Variants in KCND2 observed in about 807,000 individuals in gnomAD.
KCND2 encodes A-type voltage-gated potassium channel KCND2.
Under a neutral mutation model 54.4 loss-of-function variants are expected in KCND2, and 16 were observed. The observed-to-expected ratio is 0.29, with a 90% confidence interval of 0.20 to 0.45. KCND2 has a LOEUF of 0.45. Ranked by LOEUF, KCND2 falls within the 20% of genes least tolerant of loss-of-function variation. The pLI, the probability that KCND2 is intolerant of heterozygous loss-of-function variation, is 1.00. For synonymous variants in KCND2, 317 were observed against 310.7 expected, an observed-to-expected ratio of 1.02 and a Z score of -0.21; for missense variants, 486 against 824.2, an observed-to-expected ratio of 0.59 and a Z score of 5.02.
At chr7:120,683,011 A>C (rs185402293) in intron 1 of KCND2, among the ~76,000 whole-genome samples, 1 of 152,152 alleles carries the variant, frequency 6.6e-6, no homozygotes, top group Non-Finnish European at 1.5e-5. Flanking sequence ...AGACTCCCCA[A>C]CTATGCTGTT....
intron 1 of KCND2, among the ~76,000 whole-genome samples, chr7:120,425,206 A>G (rs1801689577): frequency 6.6e-6 from 1 of 152,226 alleles, no homozygotes; most frequent in Admixed American, 6.5e-5. Flanking sequence ...AAAATGCAGT[A>G]ATATGGCTCA....
intron 1 of KCND2, among the ~76,000 whole-genome samples, chr7:120,543,544 A>T (rs1039471188): frequency 6.6e-6 from 1 of 152,078 alleles, no homozygotes; most frequent in Admixed American, 6.6e-5. Flanking sequence ...TACTTAAAAT[A>T]CTATTTTAAT....
rs1374267694 is a variant in KCND2, at chr7:120,275,385, G to A, written c.753G>A (p.Ala251=). 3 of 1,613,608 alleles carry A rather than the reference G, an allele frequency of 1.9e-6. No homozygotes were observed. Among genetic ancestry groups the A allele is most frequent in the African/African-American group, 1.3e-5 (1 of 74,762 alleles). Residue 251 remains alanine (A), a synonymous_variant, in exon 1 of 6, where the codon GCG becomes GCA. Transcript: ENST00000331113. ...AGTATTTGCTTCGCCTGGCTGCAGCGCCTAGTCGTTACCGTTTTGTGCGTA... is the reference window on the plus strand; with the variant it reads ...AGTATTTGCTTCGCCTGGCTGCAGCACCTAGTCGTTACCGTTTTGTGCGTA... ...TVEYLLRLAA[A]PSRYRFVRSV... is the part of the protein sequence containing the mutation.
intron 1 of KCND2, among the ~76,000 whole-genome samples, chr7:120,553,572 G>A (rs1792127036): frequency 6.6e-6 from 1 of 152,102 alleles, no homozygotes; most frequent in Non-Finnish European, 1.5e-5. Flanking sequence ...AATACCTTCT[G>A]TATACTGTGT....
chr7:120,605,651 T>A (rs1190815440), intron 1 of KCND2, among the ~76,000 whole-genome samples: 2 of 152,224 alleles, frequency 1.3e-5, no homozygotes, highest in Admixed American at 6.5e-5. Flanking sequence ...CAAATTGTTT[T>A]CCAAAATGAC....
At chr7:120,636,974 C>T (rs990150927) in intron 1 of KCND2, among the ~76,000 whole-genome samples, 16 of 152,094 alleles carry the variant, frequency 1.1e-4, no homozygotes, top group Non-Finnish European at 1.9e-4. Flanking sequence ...GACTTTGTGG[C>T]TCCATTATGT....
chr7:120,523,236 ACT>A (rs1791722149), intron 1 of KCND2, among the ~76,000 whole-genome samples: 1 of 152,166 alleles, frequency 6.6e-6, no homozygotes, highest in Non-Finnish European at 1.5e-5. Context: ...TAACATTAAC[ACT>A]TAGTAGCCTA....
At chr7:120,404,184 C>A (rs2402528) in intron 1 of KCND2, among the ~76,000 whole-genome samples, 1 of 151,990 alleles carries the variant, frequency 6.6e-6, no homozygotes, top group African/African-American at 2.4e-5. Flanking sequence ...TCTGTACTTA[C>A]CTGTCAGCCA....
At chr7:120,325,186 T>G (rs1173130990) in intron 1 of KCND2, among the ~76,000 whole-genome samples, 14 of 119,678 alleles carry the variant, frequency 1.2e-4, no homozygotes, top group African/African-American at 2.8e-4. Context: ...CTTATCAGCT[T>G]AAGGAGATTT....
intron 1 of KCND2, among the ~76,000 whole-genome samples, chr7:120,499,945 T>C (rs1562856347): frequency 6.6e-6 from 1 of 152,146 alleles, no homozygotes; most frequent in African/African-American, 2.4e-5. Context: ...CCACCTAGCA[T>C]GGGGTGCCCA....
intron 1 of KCND2, among the ~76,000 whole-genome samples, chr7:120,326,314 CAG>C (rs990698614): frequency 5.3e-5 from 8 of 151,942 alleles, no homozygotes; most frequent in African/African-American, 1.9e-4. Context: ...TACTTTATGA[CAG>C]AGAGTAGAGA....
At chr7:120,332,283 T>C (rs1001491866) in intron 1 of KCND2, among the ~76,000 whole-genome samples, 6 of 152,108 alleles carry the variant, frequency 3.9e-5, no homozygotes, top group African/African-American at 7.2e-5. Context: ...TTTGGAATCA[T>C]TTTAAAATGT....
At chr7:120,740,912 T>C (rs1455799123) in intron 2 of KCND2, 3 of 365,004 alleles carry the variant, frequency 8.2e-6, no homozygotes, top group African/African-American at 7.9e-5. Flanking sequence ...TGTTTATTTG[T>C]TTGTTTGTTT....
intron 1 of KCND2, among the ~76,000 whole-genome samples, chr7:120,489,672 G>A (rs73435897): frequency 0.053 from 8,019 of 152,048 alleles, 731 homozygotes; most frequent in African/African-American, 0.18. Flanking sequence ...ACTCACTCAC[G>A]TCCTATCAAA....
chr7:120,606,277 CTG>C (rs755784730), intron 1 of KCND2, among the ~76,000 whole-genome samples: 46 of 152,090 alleles, frequency 3.0e-4, no homozygotes, highest in Admixed American at 6.6e-4. Context: ...TAAGTGTTGT[CTG>C]TATATTCAAA....
At chr7:120,441,313 T>C (rs1801942155) in intron 1 of KCND2, among the ~76,000 whole-genome samples, 1 of 152,104 alleles carries the variant, frequency 6.6e-6, no homozygotes, top group African/African-American at 2.4e-5. Flanking sequence ...AAAATTGAAT[T>C]AGTATGAAAT....
At chr7:120,652,596 G>A (rs1218212766) in intron 1 of KCND2, among the ~76,000 whole-genome samples, 1 of 152,198 alleles carries the variant, frequency 6.6e-6, no homozygotes, top group Admixed American at 6.5e-5. Context: ...ACCTCTCCTT[G>A]TGTGGTCCCA....
chr7:120,515,185 T>A (rs1026231200), intron 1 of KCND2, among the ~76,000 whole-genome samples: 3 of 152,054 alleles, frequency 2.0e-5, no homozygotes, highest in Admixed American at 6.6e-5. Context: ...TACTTGCTCC[T>A]GCTTTCCTGC....
intron 1 of KCND2, among the ~76,000 whole-genome samples, chr7:120,429,607 A>AT (rs1455803772): frequency 1.3e-5 from 2 of 152,168 alleles, no homozygotes; most frequent in African/African-American, 4.8e-5. Context: ...CAGTTTTTCC[A>AT]TGGAGTGCCA....
Sources: gnomAD v4.1 joint callset for allele counts (sites outside exome capture counted in the v4.1 genomes callset) on GRCh38, gnomAD v4.1.1 for gene constraint, MANE v1.5 for transcripts, NCBI Gene and HGNC (gene_info 2026-07-23, HGNC 2026-07-21) for gene names.